FANK1: variants seen among roughly 807,000 people sequenced by gnomAD.
FANK1 encodes the protein fibronectin type 3 and ankyrin repeat domains protein 1.
Under a neutral mutation model 45.3 loss-of-function variants are expected in FANK1, and 44 were observed. The ratio of observed to expected loss-of-function variants is 0.97; its 90% CI spans 0.76 to 1.25. The LOEUF (loss-of-function observed/expected upper bound fraction) is 1.25, where lower values mean the gene tolerates loss of function less well. Ranked by LOEUF, FANK1 falls within the 50% of genes most tolerant of loss-of-function variation. The pLI is 0.00. For synonymous variants in FANK1, 149 were observed against 152.5 expected (o/e 0.98, Z 0.17); for missense variants, 391 against 424.4 (o/e 0.92, Z 0.69).
chr10:125,970,213 GC>G (rs955740645), intron 1 of FANK1, among the ~76,000 whole-genome samples: 2 of 151,900 alleles, frequency 1.3e-5, no homozygotes, highest in Non-Finnish European at 2.9e-5. Flanking sequence ...GGGCAGAGGG[GC>G]CCCCCACCCC....
In FANK1 at chr10:125,918,556, C is replaced by CAAAAAAAAAAA. The variant is rs1156446362; in HGVS notation, c.13+21921_13+21931dup. Among the ~76,000 whole-genome samples the CAAAAAAAAAAA allele has an allele frequency of 2.8e-4, 2 of 7,102 alleles. 1 individual carries two copies. Among genetic ancestry groups the CAAAAAAAAAAA allele is most frequent in the Non-Finnish European group, 6.0e-4 (2 of 3,324 alleles). The allele number at this position is 7,102 out of a possible 152,430, so 4.7% of individuals were successfully genotyped here. A position where few individuals can be genotyped will look rare whatever the true frequency, so the allele number is the denominator to read the frequency against. ...CTGGTGACAGAGCAAGCCTCTGTCT[C>CAAAAAAAAAAA]AAAAAAAAAAAAAAAAAAAAAAAAA... is the stretch of plus-strand genomic sequence containing the variant. On this transcript the variant is annotated intron_variant, in intron 1 of 10. Transcript: ENST00000368693.
In FANK1 at chr10:125,998,772, A is replaced by T. The variant is rs181046795; in HGVS notation, c.539+1287A>T. Among the ~76,000 whole-genome samples, 583 of 152,354 alleles carry T rather than the reference A, an allele frequency of 3.8e-3. 7 individuals are homozygous for T. The highest frequency in any genetic ancestry group is 0.013 in the African/African-American group (560 of 41,586). On this transcript the variant is annotated intron_variant, in intron 6 of 10. Coordinates refer to ENST00000368693, the MANE Select transcript of FANK1 (RefSeq NM_145235.5). ...TTTTCTGAGAAAATTTAAACCGCCA[A>T]GTCAACCCAAGAAGCAGAAAATTCG...
chr10:125,995,457 T>C lies in FANK1; in HGVS notation c.357T>C (p.Ser119=), dbSNP rs1161887520. Reference sequence around the variant, plus strand: ...GTGAGCACTTGCACCGGGCTGTCAGTGTGAATGATGAAGATTTGCTGGTCC... The same window carrying C: ...GTGAGCACTTGCACCGGGCTGTCAGCGTGAATGATGAAGATTTGCTGGTCC... ...ISSEHLHRAV[S]VNDEDLLVRI... The change falls in exon 4 of 11, where the codon AGT becomes AGC. Residue 119 remains serine (S), a synonymous_variant. Transcript: ENST00000368693. The C allele has an allele frequency of 6.2e-7, 1 of 1,614,134 alleles. No individual in the cohort carries two copies. The highest frequency in any genetic ancestry group is 8.5e-7 in the Non-Finnish European group (1 of 1,180,028).
intron 3 of FANK1, chr10:125,994,629 G>A: frequency 1.0e-6 from 1 of 985,368 alleles, no homozygotes; most frequent in Non-Finnish European, 1.2e-6. Context: ...GCTTAATTGT[G>A]ATACTTTTTA....
intron 6 of FANK1, among the ~76,000 whole-genome samples, chr10:125,999,788 A>T (rs985640694): frequency 6.6e-6 from 1 of 152,210 alleles, no homozygotes; most frequent in African/African-American, 2.4e-5. Flanking sequence ...TAATATGAAA[A>T]ATGCGTTAAA....
intron 1 of FANK1, among the ~76,000 whole-genome samples, chr10:125,950,123 G>A (rs1229647295): frequency 6.7e-6 from 1 of 148,360 alleles, no homozygotes. Flanking sequence ...ATTCAAGATG[G>A]ATTAAAGACT....
chr10:125,982,708 A>G (rs370453779), intron 2 of FANK1, among the ~76,000 whole-genome samples: 3 of 152,250 alleles, frequency 2.0e-5, no homozygotes, highest in African/African-American at 7.2e-5. Flanking sequence ...AAACAATGAT[A>G]TTGTCTTTGA....
intron 1 of FANK1, among the ~76,000 whole-genome samples, chr10:125,942,459 T>G (rs1948510530): frequency 6.6e-6 from 1 of 152,038 alleles, no homozygotes; most frequent in Non-Finnish European, 1.5e-5. Context: ...AATTTTAGAG[T>G]TTTTTCCCCA....
rs1326494557 is a variant in FANK1, at chr10:125,991,117, C to G, written c.316+2442C>G. ...GGCTGTGCCTGTGGGCCAGATGTGCCTTCTCCCCACTGAGCTGGCTCCAGA... is the reference window on the plus strand; with the variant it reads ...GGCTGTGCCTGTGGGCCAGATGTGCGTTCTCCCCACTGAGCTGGCTCCAGA... On this transcript the variant is annotated intron_variant, in intron 3 of 10. Coordinates refer to ENST00000368693, the MANE Select transcript of FANK1 (RefSeq NM_145235.5). 5.9e-5 allele frequency among the ~76,000 whole-genome samples: 9 copies of G among 152,322 alleles called. No individual in the cohort carries two copies. In the East Asian group the frequency reaches 1.7e-3, roughly 29 times the overall value.
chr10:125,912,124 G>A (rs1407371243), intron 1 of FANK1, among the ~76,000 whole-genome samples: 1 of 152,150 alleles, frequency 6.6e-6, no homozygotes, highest in African/African-American at 2.4e-5. Context: ...CATAAGGCGG[G>A]ATCAACAAAC....
chr10:125,954,015 G>A (rs894323983), intron 1 of FANK1, among the ~76,000 whole-genome samples: 5 of 148,018 alleles, frequency 3.4e-5, no homozygotes, highest in Non-Finnish European at 6.0e-5. Flanking sequence ...AGAGCACACC[G>A]AACGAAGGAG....
At chr10:125,931,825 T>A (rs1947772066) in intron 1 of FANK1, among the ~76,000 whole-genome samples, 1 of 152,240 alleles carries the variant, frequency 6.6e-6, no homozygotes, top group Non-Finnish European at 1.5e-5. Context: ...TCTTCTAGAA[T>A]TTTTACAGTT....
Position 125,997,412 on chromosome 10 carries a change from T to A in FANK1, c.474-8T>A, listed in dbSNP as rs375041809. On this transcript the variant is annotated splice_polypyrimidine_tract_variant and splice_region_variant and intron_variant, in intron 5 of 10. Coordinates refer to ENST00000368693, the MANE Select transcript of FANK1 (RefSeq NM_145235.5). ...TTATCTAGCTACACTTAAGTTTGTT[T>A]CCTTTAGGCTTGTGAAAATCCTAGT... The A allele has an allele frequency of 6.2e-7, 1 of 1,613,002 alleles. No homozygotes were observed.
At chr10:125,991,028 A>C (rs1158594276) in intron 3 of FANK1, among the ~76,000 whole-genome samples, 1 of 152,176 alleles carries the variant, frequency 6.6e-6, no homozygotes, top group Non-Finnish European at 1.5e-5. Flanking sequence ...CCCATGACAC[A>C]TGTGAATTAT....
chr10:125,924,121 C>CA (rs1310527105), intron 1 of FANK1, among the ~76,000 whole-genome samples: 4 of 151,962 alleles, frequency 2.6e-5, no homozygotes, highest in Non-Finnish European at 2.9e-5. Flanking sequence ...ATCTGAAAAC[C>CA]AAAAAACCCA....
At chr10:125,931,531 A>G (rs916913398) in intron 1 of FANK1, among the ~76,000 whole-genome samples, 4 of 151,992 alleles carry the variant, frequency 2.6e-5, no homozygotes, top group Admixed American at 6.6e-5. Flanking sequence ...AGAATTGTCT[A>G]TTCATGTCCA....
intron 6 of FANK1, among the ~76,000 whole-genome samples, chr10:126,002,091 T>TC (rs1590238374): frequency 6.6e-6 from 1 of 151,904 alleles, no homozygotes; most frequent in East Asian, 1.9e-4. Context: ...GGCAGGCGGA[T>TC]CACGAGGTCA....
chr10:125,944,687 A>G (rs962318288), intron 1 of FANK1, among the ~76,000 whole-genome samples: 8 of 152,220 alleles, frequency 5.3e-5, no homozygotes, highest in Non-Finnish European at 1.2e-4. Context: ...TTAAGCTACA[A>G]ACAATAGCAT....
chr10:126,004,665 T>G, intron 6 of FANK1: 3 of 507,128 alleles, frequency 5.9e-6, no homozygotes, highest in Non-Finnish European at 7.1e-6. Flanking sequence ...GTTTCGAGGT[T>G]CATGCATGTT....
Sources: allele counts gnomAD v4.1 joint callset (sites outside exome capture counted in the v4.1 genomes callset), GRCh38; gene constraint gnomAD v4.1.1; transcripts MANE v1.5; gene names NCBI Gene and HGNC (gene_info 2026-07-23, HGNC 2026-07-21).